Variants in KLHL29 observed in about 807,000 individuals in gnomAD.
KLHL29 encodes kelch like family member 29, also known as kelch-like protein 29.
In KLHL29, 21 loss-of-function variants were observed where a neutral mutation model predicts 80.4. That is an observed-to-expected ratio of 0.26 (90% CI 0.19 to 0.38). KLHL29 has a LOEUF of 0.38. Ranked by LOEUF, KLHL29 falls within the 10% of genes least tolerant of loss-of-function variation. The probability of loss-of-function intolerance (pLI) is 1.00; values close to 1 mark genes in which losing one functional copy is unlikely to be tolerated. For missense variants in KLHL29, 867 were observed against 1,223.9 expected (o/e 0.71, Z 4.35); for synonymous variants, 511 against 526.8 (o/e 0.97, Z 0.41).
Position 23,702,070 on chromosome 2 carries a change from A to G in KLHL29, c.2106-1116A>G, listed in dbSNP as rs369830467. ...ACTCCCGACCTCAGATGATCCGCCC[A>G]CCTCGGCCTCCCAAAGTGCTGGGAT... On this transcript the variant is annotated intron_variant, in intron 11 of 13. Coordinates refer to ENST00000486442, the MANE Select transcript of KLHL29 (RefSeq NM_052920.2). Among the ~76,000 whole-genome samples, 56 of 150,886 alleles carry G rather than the reference A, an allele frequency of 3.7e-4. No homozygotes were observed. The East Asian group carries it at 9.8e-3, about 26-fold the overall frequency.
intron 3 of KLHL29, among the ~76,000 whole-genome samples, chr2:23,574,434 C>T (rs17505355): frequency 0.034 from 5,173 of 152,184 alleles, 132 homozygotes; most frequent in Middle Eastern, 0.065. Flanking sequence ...TCCACCTCAC[C>T]GGGCTGTTGT....
chr2:23,396,745 A>G (rs1199057219), intron 1 of KLHL29, among the ~76,000 whole-genome samples: 1 of 152,198 alleles, frequency 6.6e-6, no homozygotes, highest in Non-Finnish European at 1.5e-5. Context: ...CGAAGCCTCG[A>G]TTTGCCAAAG....
intron 1 of KLHL29, among the ~76,000 whole-genome samples, chr2:23,468,208 T>A (rs1664403360): frequency 6.6e-6 from 1 of 152,050 alleles, no homozygotes; most frequent in Admixed American, 6.6e-5. Flanking sequence ...GTCATTGCCA[T>A]CAAACGGCAG....
rs566272577 is a variant in KLHL29, at chr2:23,647,730, C to T, written c.940+4880C>T. 2.5e-3 allele frequency among the ~76,000 whole-genome samples: 383 copies of T among 152,188 alleles called. 2 individuals are homozygous for T. Among genetic ancestry groups the T allele is most frequent in the South Asian group, 2.3e-3 (11 of 4,810 alleles). ...CTGGGGACAACGGCCAGCGCTGACT[C>T]GGTGCTTGCCACCACTTCATCCTTT... On this transcript the variant is annotated intron_variant, in intron 5 of 13. Coordinates refer to ENST00000486442, the MANE Select transcript of KLHL29 (RefSeq NM_052920.2). This position sits in a 1 kb window ranked among gnomAD's most constrained non-coding sequence, Gnocchi z 4.9.
At chr2:23,556,800 C>G (rs1034777715) in intron 2 of KLHL29, among the ~76,000 whole-genome samples, 2 of 152,362 alleles carry the variant, frequency 1.3e-5, no homozygotes, top group South Asian at 2.1e-4. Context: ...ATTTCACCCA[C>G]GACTAGCACC....
intron 3 of KLHL29, among the ~76,000 whole-genome samples, chr2:23,590,094 G>T (rs1048976815): frequency 6.6e-6 from 1 of 152,228 alleles, no homozygotes; most frequent in East Asian, 1.9e-4. Flanking sequence ...AAAAGCAGAG[G>T]CCTAGAGAGG....
chr2:23,533,215 G>T (rs1006461302), intron 2 of KLHL29, among the ~76,000 whole-genome samples: 1 of 152,186 alleles, frequency 6.6e-6, no homozygotes, highest in African/African-American at 2.4e-5. Context: ...GTGTGAGTGT[G>T]TGCAGATCTG....
intron 2 of KLHL29, among the ~76,000 whole-genome samples, chr2:23,555,339 G>T (rs989712454): frequency 6.6e-6 from 1 of 152,220 alleles, no homozygotes; most frequent in African/African-American, 2.4e-5. Flanking sequence ...AGTGGGAGAA[G>T]CCTTAGGAGG....
chr2:23,517,126 T>C (rs975155428), intron 2 of KLHL29, among the ~76,000 whole-genome samples: 1 of 152,222 alleles, frequency 6.6e-6, no homozygotes, highest in Admixed American at 6.5e-5. Flanking sequence ...GTGCCCGCTG[T>C]GGACGTGGAA....
chr2:23,554,102 A>G (rs1017165760), intron 2 of KLHL29, among the ~76,000 whole-genome samples: 2 of 152,180 alleles, frequency 1.3e-5, no homozygotes, highest in African/African-American at 4.8e-5. Context: ...CCCAGGAGGC[A>G]GGGAGGCATT....
intron 2 of KLHL29, among the ~76,000 whole-genome samples, chr2:23,560,362 C>G (rs1667419205): frequency 6.9e-6 from 1 of 145,884 alleles, no homozygotes; most frequent in African/African-American, 2.5e-5. Context: ...CCTCTGCCTC[C>G]CAAGTTCAAG....
chr2:23,482,159 G>A (rs1193018609), intron 2 of KLHL29, among the ~76,000 whole-genome samples: 6 of 152,240 alleles, frequency 3.9e-5, no homozygotes, highest in African/African-American at 1.4e-4. Context: ...AAGCCAGGGA[G>A]CTGAGGATAG....
chr2:23,441,169 G>T (rs912160932), intron 1 of KLHL29, among the ~76,000 whole-genome samples: 24 of 152,194 alleles, frequency 1.6e-4, no homozygotes, highest in African/African-American at 5.8e-4. Context: ...ATGAGTTCAT[G>T]TCCTTTGTAG....
chr2:23,615,772 C>T (rs540563555), intron 3 of KLHL29, among the ~76,000 whole-genome samples: 24 of 152,262 alleles, frequency 1.6e-4, no homozygotes, highest in Non-Finnish European at 2.6e-4. Context: ...GGACACAGAC[C>T]GTGCTGAGGA....
chr2:23,497,213 G>A (rs946877059), intron 2 of KLHL29, among the ~76,000 whole-genome samples: 5 of 152,158 alleles, frequency 3.3e-5, no homozygotes, highest in Admixed American at 6.5e-5. Context: ...TGGCAACTGC[G>A]ATTACTTGAA....
intron 1 of KLHL29, among the ~76,000 whole-genome samples, chr2:23,438,121 T>C (rs545032991): frequency 4.7e-5 from 7 of 149,944 alleles, no homozygotes; most frequent in Non-Finnish European, 1.0e-4. Context: ...TGACTGTTAT[T>C]GGTGTATAAG....
chr2:23,686,370 C>T (rs1331181509), intron 6 of KLHL29, among the ~76,000 whole-genome samples: 1 of 152,066 alleles, frequency 6.6e-6, no homozygotes, highest in Admixed American at 6.5e-5. Flanking sequence ...GGTAGGAGAC[C>T]TGGGTCCTAC....
rs1338078235 is a variant in KLHL29, at chr2:23,457,777, G to C, written c.-153-17783G>C. Among the ~76,000 whole-genome samples the C allele has an allele frequency of 2.0e-5, 3 of 152,198 alleles. No individual in the cohort carries two copies. Among genetic ancestry groups the C allele is most frequent in the Non-Finnish European group, 4.4e-5 (3 of 68,038 alleles). Reference sequence around the variant, plus strand: ...ACCTGTAATCCCAGCACTTTGGGAAGCCAAGGCAGGCAGATCACGAGGTCA... The same window carrying C: ...ACCTGTAATCCCAGCACTTTGGGAACCCAAGGCAGGCAGATCACGAGGTCA... On this transcript the variant is annotated intron_variant, in intron 1 of 13. Transcript: ENST00000486442. This position sits in a 1 kb window ranked among gnomAD's most constrained non-coding sequence, Gnocchi z 4.3.
chr2:23,486,035 G>A (rs986873421), intron 2 of KLHL29, among the ~76,000 whole-genome samples: 2 of 152,092 alleles, frequency 1.3e-5, no homozygotes, highest in African/African-American at 4.8e-5. Context: ...ACCCTCACCT[G>A]TCAGTCATCC....
Sources: allele counts gnomAD v4.1 joint callset (sites outside exome capture counted in the v4.1 genomes callset), GRCh38; gene constraint gnomAD v4.1.1; non-coding constraint Gnocchi (gnomAD v3.1); transcripts MANE v1.5; gene names NCBI Gene and HGNC (gene_info 2026-07-23, HGNC 2026-07-21).